Variants in KLF12 observed in about 807,000 individuals in gnomAD.
KLF12 encodes the protein KLF transcription factor 12.
In KLF12, 9 loss-of-function variants were observed where a neutral mutation model predicts 37.8. The ratio of observed to expected loss-of-function variants is 0.24; its 90% CI spans 0.14 to 0.42. The LOEUF is 0.42. KLF12 is among the 10% of genes least tolerant of loss of function. The pLI is 1.00. For synonymous variants in KLF12, 208 were observed against 202.1 expected (o/e 1.03, Z -0.25); for missense variants, 411 against 516.0 (o/e 0.80, Z 1.97).
intron 6 of KLF12, among the ~76,000 whole-genome samples, chr13:73,748,898 A>G (rs948331036): frequency 1.3e-5 from 2 of 152,148 alleles, no homozygotes; most frequent in Non-Finnish European, 2.9e-5. Context: ...CCTGTTCTTT[A>G]TATTTATTCA....
chr13:73,710,266 A>G (rs1164022825), intron 7 of KLF12, among the ~76,000 whole-genome samples: 1 of 152,126 alleles, frequency 6.6e-6, no homozygotes, highest in Non-Finnish European at 1.5e-5. Context: ...GCAGTTTTTG[A>G]TTTAGATAAC....
intron 1 of KLF12, among the ~76,000 whole-genome samples, chr13:74,021,276 T>C (rs1020520062): frequency 6.6e-6 from 1 of 152,102 alleles, no homozygotes; most frequent in Non-Finnish European, 1.5e-5. Flanking sequence ...ATAGCATTAC[T>C]CCCACTTTTC....
chr13:73,937,134 G>A (rs1889971868), intron 3 of KLF12, among the ~76,000 whole-genome samples: 1 of 151,746 alleles, frequency 6.6e-6, no homozygotes, highest in Non-Finnish European at 1.5e-5. Flanking sequence ...AGCTTGCAGT[G>A]AGCTGAGATC....
intron 1 of KLF12, among the ~76,000 whole-genome samples, chr13:74,099,817 G>C (rs1876211301): frequency 1.6e-5 from 2 of 122,124 alleles, no homozygotes; most frequent in South Asian, 3.2e-4. Flanking sequence ...TTCAACACAG[G>C]ATAAACATTC....
chr13:74,069,179 T>A (rs1874083508), intron 1 of KLF12, among the ~76,000 whole-genome samples: 1 of 152,174 alleles, frequency 6.6e-6, no homozygotes, highest in South Asian at 2.1e-4. Context: ...AACTTACATG[T>A]GGCTCTTTTT....
upstream of KLF12, among the ~76,000 whole-genome samples, chr13:74,138,257 G>C (rs1357221252): frequency 6.6e-6 from 1 of 152,180 alleles, no homozygotes; most frequent in Admixed American, 6.5e-5. Flanking sequence ...TATGTTGAAA[G>C]ATTAGAATTA....
intron 5 of KLF12, among the ~76,000 whole-genome samples, chr13:73,805,636 G>C (rs1882541653): frequency 1.9e-5 from 1 of 52,064 alleles, no homozygotes; most frequent in Non-Finnish European, 3.7e-5. Flanking sequence ...GAGGGAGGGA[G>C]GGAGGGAGGG....
intron 1 of KLF12, among the ~76,000 whole-genome samples, chr13:74,021,584 T>G (rs1330584578): frequency 6.6e-6 from 1 of 152,066 alleles, no homozygotes; most frequent in Non-Finnish European, 1.5e-5. Context: ...TGCACACATC[T>G]CTTTACAACC....
chr13:73,865,818 C>T (rs1415206261), intron 3 of KLF12, among the ~76,000 whole-genome samples: 1 of 152,070 alleles, frequency 6.6e-6, no homozygotes, highest in Non-Finnish European at 1.5e-5. Flanking sequence ...AATATAGATT[C>T]CAAAAGCGAA....
At chr13:73,896,065 C>G (rs1887755470) in intron 3 of KLF12, among the ~76,000 whole-genome samples, 1 of 152,046 alleles carries the variant, frequency 6.6e-6, no homozygotes, top group African/African-American at 2.4e-5. Flanking sequence ...AGGAGATCCA[C>G]CCACCTTGGC....
the KLF12 span, among the ~76,000 whole-genome samples, chr13:74,170,903 T>G: frequency 6.6e-6 from 1 of 152,166 alleles, no homozygotes; most frequent in Non-Finnish European, 1.5e-5. Context: ...TAGCTGGGAT[T>G]GCAGGTGTGA....
chr13:74,246,816 G>A, the KLF12 span, among the ~76,000 whole-genome samples: 9 of 152,272 alleles, frequency 5.9e-5, no homozygotes, highest in South Asian at 2.1e-4. Flanking sequence ...TGTGCGGCAC[G>A]GATGAGAAAG....
At chr13:73,978,889 T>TTGC (rs1231861999) in intron 2 of KLF12, among the ~76,000 whole-genome samples, 3 of 152,174 alleles carry the variant, frequency 2.0e-5, no homozygotes, top group Non-Finnish European at 2.9e-5. Context: ...TACATACATA[T>TTGC]TGCTAAGTGA....
At chr13:74,012,117 T>G (rs998276094) in intron 1 of KLF12, among the ~76,000 whole-genome samples, 1 of 152,236 alleles carries the variant, frequency 6.6e-6, no homozygotes, top group Non-Finnish European at 1.5e-5. Flanking sequence ...ATGTATCACA[T>G]GTACTGTTAA....
At chr13:74,032,951 C>A (rs1893151493) in intron 1 of KLF12, among the ~76,000 whole-genome samples, 1 of 152,164 alleles carries the variant, frequency 6.6e-6, no homozygotes, top group South Asian at 2.1e-4. Flanking sequence ...CTCCATTTCT[C>A]TGTATCTACC....
chr13:73,836,333 G>T (rs966084494), intron 4 of KLF12, among the ~76,000 whole-genome samples: 5 of 152,024 alleles, frequency 3.3e-5, no homozygotes, highest in East Asian at 1.9e-4. Context: ...AACAGAAAAA[G>T]AATTATTAAG....
the KLF12 span, among the ~76,000 whole-genome samples, chr13:74,247,978 G>GTT: frequency 1.3e-5 from 2 of 152,314 alleles, no homozygotes; most frequent in South Asian, 4.1e-4. Flanking sequence ...CCATTGTGGC[G>GTT]CTGGATGCCT....
chr13:73,904,464 CTTTCCTTTT>C (rs1279196187), intron 3 of KLF12, among the ~76,000 whole-genome samples: 4 of 63,018 alleles, frequency 6.3e-5, no homozygotes, highest in South Asian at 4.4e-4. Flanking sequence ...TGTTTTCTTT[CTTTCCTTTT>C]TTTTTTTTTT....
chr13:73,806,778 A>G (rs1436039739), intron 5 of KLF12, among the ~76,000 whole-genome samples: 1 of 152,118 alleles, frequency 6.6e-6, no homozygotes, highest in South Asian at 2.1e-4. Flanking sequence ...TGAAAATTAC[A>G]TGAGTTTTCA....
Sources: gnomAD v4.1 joint callset for allele counts (sites outside exome capture counted in the v4.1 genomes callset) on GRCh38, gnomAD v4.1.1 for gene constraint, MANE v1.5 for transcripts, NCBI Gene and HGNC (gene_info 2026-07-23, HGNC 2026-07-21) for gene names.